RGS20: variants seen among roughly 807,000 people sequenced by gnomAD.
The protein encoded by RGS20 is gz-selective GTPase-activating protein.
RGS20 carries 30 observed loss-of-function variants against 33.6 expected under a neutral mutation model. The observed-to-expected ratio is 0.89, with a 90% CI of 0.67 to 1.21. The LOEUF (loss-of-function observed/expected upper bound fraction) is 1.21, where lower values mean the gene tolerates loss of function less well. RGS20 is among the 50% of genes most tolerant of loss of function. The pLI is 0.00. For synonymous variants in RGS20, 208 were observed against 197.9 expected, an observed-to-expected ratio of 1.05 and a Z score of -0.43; for missense variants, 472 against 502.4, an observed-to-expected ratio of 0.94 and a Z score of 0.58.
rs1245871958 is a variant in RGS20 at position 53,954,244 on chromosome 8, A to G, written c.912A>G (p.Lys304=). The change falls in exon 5 of 6, where the codon AAA becomes AAG. Residue 304 remains lysine (K), a synonymous_variant. Coordinates refer to ENST00000297313, the MANE Select transcript of RGS20 (RefSeq NM_170587.4). ...AGGAACTGAAAAAGGAAGCTAATAA[A>G]AACATTATTGAAGAGAAAGCAAGGA... 1 of 1,613,904 alleles carries G rather than the reference A, an allele frequency of 6.2e-7. No homozygotes were observed. The highest frequency in any genetic ancestry group is 8.5e-7 in the Non-Finnish European group (1 of 1,179,860).
chr8:53,897,641 C>T (rs981773725), intron 2 of RGS20, among the ~76,000 whole-genome samples: 1 of 152,172 alleles, frequency 6.6e-6, no homozygotes, highest in Non-Finnish European at 1.5e-5. Flanking sequence ...TACTAATCTT[C>T]CTCATCATCC....
intron 1 of RGS20, among the ~76,000 whole-genome samples, chr8:53,854,338 C>T (rs1175340971): frequency 6.6e-6 from 1 of 151,910 alleles, no homozygotes; most frequent in African/African-American, 2.4e-5. Context: ...CCATGTCTGC[C>T]AAACACCTTG....
intron 2 of RGS20, among the ~76,000 whole-genome samples, chr8:53,923,609 T>G (rs538125412): frequency 2.0e-5 from 3 of 151,970 alleles, no homozygotes; most frequent in African/African-American, 2.4e-5. Context: ...AAAAAAAAAT[T>G]TCCAGAGACT....
intron 2 of RGS20, among the ~76,000 whole-genome samples, chr8:53,885,349 C>T (rs539355149): frequency 6.6e-6 from 1 of 152,210 alleles, no homozygotes; most frequent in Non-Finnish European, 1.5e-5. Flanking sequence ...CGCGGTGGCT[C>T]ACGCCTGTAA....
chr8:53,937,506 T>C (rs1484354601), intron 2 of RGS20, among the ~76,000 whole-genome samples: 2 of 151,886 alleles, frequency 1.3e-5, no homozygotes, highest in Non-Finnish European at 1.5e-5. Flanking sequence ...CCAAAAGCAA[T>C]GGTAATAAAA....
chr8:53,925,373 A>C (rs1431128208), intron 2 of RGS20, among the ~76,000 whole-genome samples: 1 of 152,146 alleles, frequency 6.6e-6, no homozygotes, highest in African/African-American at 2.4e-5. Flanking sequence ...CAAGACACAG[A>C]AACCAGGAGT....
In RGS20 at chr8:53,881,924, G is replaced by A. The variant is rs1287292467; in HGVS notation, c.510+2322G>A. On this transcript the variant is annotated intron_variant, in intron 2 of 5. Transcript: ENST00000297313. ...GCGGAGGGCGGGAGACTGGGGGCGG[G>A]AAGTGGAGGTGCAGGCTGCAGCTGG... 3.3e-5 allele frequency among the ~76,000 whole-genome samples: 5 copies of A among 152,134 alleles called. No individual in the cohort carries two copies. The East Asian group carries it at 7.7e-4, about 24-fold the overall frequency.
intron 2 of RGS20, among the ~76,000 whole-genome samples, chr8:53,898,355 G>A (rs909672163): frequency 1.3e-5 from 2 of 152,174 alleles, no homozygotes; most frequent in African/African-American, 2.4e-5. Flanking sequence ...AGGGAGCACA[G>A]AAGGAGTGTT....
At chr8:53,856,387 T>G (rs1172949919) in intron 1 of RGS20, among the ~76,000 whole-genome samples, 2 of 152,050 alleles carry the variant, frequency 1.3e-5, no homozygotes, top group African/African-American at 4.8e-5. Flanking sequence ...AGCTACTTTT[T>G]TTTGTATTTT....
intron 5 of RGS20, among the ~76,000 whole-genome samples, chr8:53,956,091 T>C (rs1229001847): frequency 1.3e-5 from 2 of 151,560 alleles, no homozygotes; most frequent in Non-Finnish European, 2.9e-5. Flanking sequence ...ATGAGAAAAA[T>C]ACTCAAGGAG....
intron 1 of RGS20, among the ~76,000 whole-genome samples, chr8:53,875,310 T>C (rs1812175794): frequency 6.6e-6 from 1 of 151,404 alleles, no homozygotes; most frequent in Non-Finnish European, 1.5e-5. Flanking sequence ...CACATGCCTG[T>C]AGTCCCAGCT....
chr8:53,934,659 T>C (rs1358208565), intron 2 of RGS20, among the ~76,000 whole-genome samples: 1 of 152,212 alleles, frequency 6.6e-6, no homozygotes, highest in Non-Finnish European at 1.5e-5. Flanking sequence ...ACAATAATAG[T>C]TGGAGACTTT....
In RGS20 at chr8:53,946,740, G is replaced by C. The variant is rs542024515; in HGVS notation, c.735G>C (p.Trp245Cys). The change falls in exon 4 of 6, where the codon TGG (tryptophan) becomes TGC (cysteine). Residue 245 changes from tryptophan (W) to cysteine (C), a missense_variant. Physicochemically the swap from Trp to Cys is radical, Grantham distance 215. Around this residue, in one of 3 missense-constraint regions of RGS20, gnomAD observed 319 missense variants for 283.4 expected, o/e 1.13. Transcript: ENST00000297313. ...AACTCAGAGCAGATCTTCCAACCTG[G>C]GAAGAAAGGTGAAATCACACGTTTT... 1.4e-5 allele frequency: 22 copies of C among 1,611,504 alleles called. No individual in the cohort carries two copies. The South Asian group carries it at 2.2e-4, about 16-fold the overall frequency.
At chr8:53,857,343 G>A (rs1365435284) in intron 1 of RGS20, among the ~76,000 whole-genome samples, 1 of 152,178 alleles carries the variant, frequency 6.6e-6, no homozygotes, top group Non-Finnish European at 1.5e-5. Flanking sequence ...CAGGTCCTTG[G>A]GTTCTCAGTG....
intron 2 of RGS20, among the ~76,000 whole-genome samples, chr8:53,894,565 C>T (rs1397284851): frequency 2.6e-5 from 4 of 152,214 alleles, no homozygotes; most frequent in Non-Finnish European, 5.9e-5. Flanking sequence ...GAAGACTTCA[C>T]TGATGGGCCT....
At chr8:53,917,951 T>C (rs1813536390) in intron 2 of RGS20, among the ~76,000 whole-genome samples, 1 of 152,242 alleles carries the variant, frequency 6.6e-6, no homozygotes, top group African/African-American at 2.4e-5. Flanking sequence ...TAGACATACC[T>C]GTTCTGGGCA....
chr8:53,923,255 T>C (rs1232750967), intron 2 of RGS20, among the ~76,000 whole-genome samples: 1 of 152,100 alleles, frequency 6.6e-6, no homozygotes, highest in African/African-American at 2.4e-5. Flanking sequence ...TTAAAGAAGC[T>C]AAGAAAAGAA....
chr8:53,853,680 C>T (rs983711621), intron 1 of RGS20, among the ~76,000 whole-genome samples: 2 of 152,206 alleles, frequency 1.3e-5, no homozygotes, highest in African/African-American at 4.8e-5. Context: ...TTACTAACTG[C>T]AAAACCTTGG....
intron 1 of RGS20, among the ~76,000 whole-genome samples, chr8:53,853,848 C>T (rs2129265667): frequency 6.6e-6 from 1 of 152,208 alleles, no homozygotes; most frequent in African/African-American, 2.4e-5. Flanking sequence ...TTCTTTCAAT[C>T]AGTAAGATAT....
Sources: gnomAD v4.1 joint callset for allele counts (sites outside exome capture counted in the v4.1 genomes callset) on GRCh38, gnomAD v4.1.1 for gene constraint, gnomAD v4.1.1 regional missense constraint, MANE v1.5 for transcripts, NCBI Gene and HGNC (gene_info 2026-07-23, HGNC 2026-07-21) for gene names.